KY: variants seen among roughly 807,000 people sequenced by gnomAD.
KY encodes kyphoscoliosis peptidase.
KY carries 43 observed loss-of-function variants against 76.1 expected under a neutral mutation model. The ratio of observed to expected loss-of-function variants is 0.57; its 90% CI spans 0.44 to 0.73. KY has a LOEUF of 0.73. Among genes scored for constraint, KY ranks in the 30% least tolerant of loss-of-function variants. KY has a pLI of 0.00. For synonymous variants in KY, 277 were observed against 326.2 expected (o/e 0.85, Z 1.63); for missense variants, 722 against 828.9 (o/e 0.87, Z 1.58).
At chr3:134,630,681 C>T (rs1255869370) in intron 3 of KY, among the ~76,000 whole-genome samples, 2 of 152,178 alleles carry the variant, frequency 1.3e-5, no homozygotes, top group Non-Finnish European at 2.9e-5. Flanking sequence ...TCCAGACTGG[C>T]CACTGGGTGG....
intron 4 of KY, among the ~76,000 whole-genome samples, chr3:134,628,858 C>T (rs1963824816): frequency 6.6e-6 from 1 of 152,214 alleles, no homozygotes; most frequent in South Asian, 2.1e-4. Flanking sequence ...AGAGCCTGCC[C>T]TCTTTACAGT....
chr3:134,640,646 T>G (rs1560139263), intron 3 of KY, among the ~76,000 whole-genome samples: 1 of 152,220 alleles, frequency 6.6e-6, no homozygotes, highest in Non-Finnish European at 1.5e-5. Flanking sequence ...AACGATTCCC[T>G]GGCCACAGCT....
intron 10 of KY, among the ~76,000 whole-genome samples, chr3:134,606,465 G>C (rs770693703): frequency 2.6e-5 from 4 of 152,050 alleles, no homozygotes; most frequent in Non-Finnish European, 5.9e-5. Context: ...CCTGGATAAG[G>C]CTTCATGGTA....
intron 4 of KY, among the ~76,000 whole-genome samples, chr3:134,628,836 T>A (rs1303994875): frequency 6.6e-6 from 1 of 152,174 alleles, no homozygotes; most frequent in African/African-American, 2.4e-5. Context: ...ATGAACCCAG[T>A]CAGTCGACCC....
chr3:134,639,203 G>A (rs1406196538), intron 3 of KY, among the ~76,000 whole-genome samples: 2 of 152,196 alleles, frequency 1.3e-5, no homozygotes, highest in African/African-American at 4.8e-5. Context: ...CACCCAGGAT[G>A]CAGTAGTCAG....
At chr3:134,627,534 T>A (rs1963620528) in intron 5 of KY, among the ~76,000 whole-genome samples, 1 of 152,216 alleles carries the variant, frequency 6.6e-6, no homozygotes, top group African/African-American at 2.4e-5. Context: ...GGTTTATACT[T>A]TAGCTTTAGG....
intron 3 of KY, among the ~76,000 whole-genome samples, chr3:134,636,541 T>C (rs554010583): frequency 6.6e-6 from 1 of 152,318 alleles, no homozygotes; most frequent in South Asian, 2.1e-4. Flanking sequence ...GAGCACAGCA[T>C]AGCCTCTCAG....
chr3:134,620,673 A>G, intron 7 of KY, 76 bp downstream of exon 7: 2 of 1,014,496 alleles, frequency 2.0e-6, no homozygotes, highest in East Asian at 5.1e-5. Context: ...ACACGTGAAT[A>G]AGCTGATAGG....
chr3:134,642,931 C>T (rs1228514044), intron 3 of KY, among the ~76,000 whole-genome samples: 1 of 152,176 alleles, frequency 6.6e-6, no homozygotes, highest in Admixed American at 6.5e-5. Flanking sequence ...GAGTACCTGT[C>T]AAACAGGGTT....
chr3:134,628,082 C>G, intron 4 of KY: 1 of 535,246 alleles, frequency 1.9e-6, no homozygotes, highest in Non-Finnish European at 3.4e-6. Context: ...AGTATTTGCT[C>G]TGACCTAACA....
At chr3:134,607,527 G>T (rs1959411756) in intron 10 of KY, 14 of 985,740 alleles carry the variant, frequency 1.4e-5, no homozygotes, top group Non-Finnish European at 1.6e-5. Flanking sequence ...CTTTGCTGAG[G>T]TGTGGGAGGC....
chr3:134,642,410 G>A (rs1328935298), intron 3 of KY, among the ~76,000 whole-genome samples: 2 of 152,140 alleles, frequency 1.3e-5, no homozygotes, highest in Non-Finnish European at 2.9e-5. Flanking sequence ...CAGACACCAG[G>A]GCCCAGTATT....
rs990242838 is a variant in KY, at chr3:134,610,099, T to A, written c.899+96A>T. ...TGGGGCCTCCTGGCTCTCCTTCCCC[T>A]CCCGCTTGGTCTTCTCCACCTGCTG... On this transcript the variant is annotated intron_variant, in intron 9 of 10. Transcript: ENST00000423778. The A allele has an allele frequency of 7.4e-6, 10 of 1,352,390 alleles. No individual in the cohort carries two copies. In the African/African-American group the frequency reaches 1.0e-4, roughly 14 times the overall value. 83.8% of individuals were successfully genotyped at this position (1,352,390 alleles called of 1,614,324 possible). A position where few individuals can be genotyped will look rare whatever the true frequency, so the allele number is the denominator to read the frequency against.
intron 8 of KY, among the ~76,000 whole-genome samples, chr3:134,613,790 C>A (rs1347285452): frequency 6.6e-6 from 1 of 152,120 alleles, no homozygotes; most frequent in Non-Finnish European, 1.5e-5. Context: ...TGTTAATATG[C>A]CATAATTCTC....
At chr3:134,646,775 G>C (rs1239213733) in intron 2 of KY, among the ~76,000 whole-genome samples, 1 of 152,164 alleles carries the variant, frequency 6.6e-6, no homozygotes, top group Non-Finnish European at 1.5e-5. Flanking sequence ...GGCTCTGGGA[G>C]TAGAGGTTTG....
At chr3:134,627,922 T>A in intron 4 of KY, 104 bp from the exon 5 acceptor site, 2 of 835,262 alleles carry the variant, frequency 2.4e-6, no homozygotes, top group Non-Finnish European at 4.0e-6. Context: ...CCCCTCCTCT[T>A]TACTCTCCTT....
chr3:134,607,366 G>A (rs745339503), intron 10 of KY: 72 of 985,518 alleles, frequency 7.3e-5, no homozygotes, highest in East Asian at 6.8e-4. Flanking sequence ...TGTGCTCCCC[G>A]CTGCCCCATT....
At position 134,619,134 on chromosome 3, in the gene KY, C is replaced by T. The variant is rs758504660; in HGVS notation, c.710+14G>A. The T allele has an allele frequency of 2.5e-6, 4 of 1,605,904 alleles. No homozygotes were observed. Among genetic ancestry groups the T allele is most frequent in the Admixed American group, 3.3e-5 (2 of 59,972 alleles). On this transcript the variant is annotated intron_variant, in intron 8 of 10. Transcript: ENST00000423778. The stretch of plus-strand genomic sequence containing the variant: ...GGGTCCGGTGGTCAGCATGGGGACT[C>T]CTGTCTCTCGTACCTGCACATTCTC...
At chr3:134,635,761 T>C (rs139863674) in intron 3 of KY, among the ~76,000 whole-genome samples, 141 of 151,914 alleles carry the variant, frequency 9.3e-4, no homozygotes, top group Middle Eastern at 3.4e-3. Context: ...AAAGCAAAAA[T>C]ACCAACCACA....
Sources: allele counts gnomAD v4.1 joint callset (sites outside exome capture counted in the v4.1 genomes callset), GRCh38; gene constraint gnomAD v4.1.1; transcripts MANE v1.5; gene names NCBI Gene and HGNC (gene_info 2026-07-23, HGNC 2026-07-21).